Variants in SNTG2 observed in about 807,000 individuals in gnomAD.
The protein encoded by SNTG2 is syntrophin gamma 2.
SNTG2 carries 74 observed loss-of-function variants against 70.9 expected under a neutral mutation model. That is an observed-to-expected ratio of 1.04 (90% confidence interval 0.86 to 1.27). The LOEUF is 1.27. Ranked by LOEUF, SNTG2 falls within the 50% of genes most tolerant of loss-of-function variation. The pLI is 0.00. For synonymous variants in SNTG2, 278 were observed against 273.8 expected (o/e 1.02, Z -0.15); for missense variants, 717 against 690.7 (o/e 1.04, Z -0.43).
chr2:1,088,496 C>A (rs938716449), intron 2 of SNTG2, among the ~76,000 whole-genome samples: 1 of 152,328 alleles, frequency 6.6e-6, no homozygotes, highest in Admixed American at 6.5e-5. Context: ...TCGGCCTGTG[C>A]TCCACAGAGC....
At chr2:1,061,326 G>T (rs891337789) in intron 1 of SNTG2, among the ~76,000 whole-genome samples, 1 of 152,182 alleles carries the variant, frequency 6.6e-6, no homozygotes, top group African/African-American at 2.4e-5. Flanking sequence ...ATGTGTATTA[G>T]ATAATAGAAA....
intron 9 of SNTG2, among the ~76,000 whole-genome samples, chr2:1,226,188 G>A (rs1675764708): frequency 6.6e-6 from 1 of 152,108 alleles, no homozygotes; most frequent in Non-Finnish European, 1.5e-5. Context: ...TTAGGTTATT[G>A]TCAATTTAGA....
chr2:1,051,831 G>A lies in SNTG2; in HGVS notation c.73-31687G>A, dbSNP rs561625249. ...CTGGGCTGCAGTCTCTGCAGGACCC[G>A]GAGCCAGAAGCACTCAGCTGGGCTC... On this transcript the variant is annotated intron_variant, in intron 1 of 16. Coordinates refer to ENST00000308624, the MANE Select transcript of SNTG2 (RefSeq NM_018968.4). Among the ~76,000 whole-genome samples the A allele has an allele frequency of 2.5e-4, 38 of 152,292 alleles. 1 individual carries two copies. Among genetic ancestry groups the A allele is most frequent in the Admixed American group, 2.2e-3 (34 of 15,292 alleles).
chr2:1,302,049 C>A (rs989644796), intron 14 of SNTG2, among the ~76,000 whole-genome samples: 11 of 151,130 alleles, frequency 7.3e-5, no homozygotes, highest in African/African-American at 2.4e-4. Context: ...GCAACCTCCG[C>A]CTCCCAGGTT....
intron 9 of SNTG2, among the ~76,000 whole-genome samples, chr2:1,216,007 T>C (rs534183355): frequency 9.2e-5 from 14 of 152,292 alleles, no homozygotes; most frequent in African/African-American, 2.9e-4. Flanking sequence ...TAGTGCCACA[T>C]TGAACATACG....
At chr2:1,269,644 G>A (rs1678916836) in intron 14 of SNTG2, among the ~76,000 whole-genome samples, 1 of 152,170 alleles carries the variant, frequency 6.6e-6, no homozygotes, top group Non-Finnish European at 1.5e-5. Flanking sequence ...TCTTGCACAG[G>A]TGGAGAAGAG....
intron 9 of SNTG2, among the ~76,000 whole-genome samples, chr2:1,221,402 C>T (rs1211778250): frequency 4.4e-5 from 4 of 91,478 alleles, no homozygotes; most frequent in Non-Finnish European, 8.5e-5. Flanking sequence ...TGTCTCTGTC[C>T]CTCTCAGTCT....
intron 7 of SNTG2, 63 bp from the exon 8 acceptor site, chr2:1,173,029 C>A: frequency 6.9e-7 from 1 of 1,451,558 alleles, no homozygotes; most frequent in Non-Finnish European, 9.6e-7. Flanking sequence ...GAAGTCACTG[C>A]ATGGTCACAG....
intron 12 of SNTG2, among the ~76,000 whole-genome samples, chr2:1,253,354 T>TG (rs72532432): frequency 0.33 from 49,980 of 151,988 alleles, 9,718 homozygotes; most frequent in African/African-American, 0.55. Context: ...GCCATCCGTG[T>TG]AAATGTCCCT....
intron 16 of SNTG2, among the ~76,000 whole-genome samples, chr2:1,366,427 A>G (rs537534269): frequency 6.6e-6 from 1 of 152,296 alleles, no homozygotes; most frequent in East Asian, 1.9e-4. Flanking sequence ...GATTTGACAC[A>G]GGGACTTTAT....
intron 1 of SNTG2, among the ~76,000 whole-genome samples, chr2:1,066,284 C>G (rs2148125049): frequency 6.6e-6 from 1 of 152,270 alleles, no homozygotes; most frequent in East Asian, 1.9e-4. Flanking sequence ...GGTGAGAGAT[C>G]AGGTGAATAT....
intron 9 of SNTG2, among the ~76,000 whole-genome samples, chr2:1,216,903 G>T (rs1326230803): frequency 1.3e-5 from 2 of 151,416 alleles, no homozygotes; most frequent in African/African-American, 4.9e-5. Context: ...GTTTTGTAAG[G>T]GGCTCTTTCC....
chr2:1,045,150 T>G (rs1319991070), intron 1 of SNTG2, among the ~76,000 whole-genome samples: 1 of 152,110 alleles, frequency 6.6e-6, no homozygotes, highest in Non-Finnish European at 1.5e-5. Context: ...AATCTATTAA[T>G]TTCTTCAGGG....
chr2:1,221,350 C>G (rs1371605435), intron 9 of SNTG2, among the ~76,000 whole-genome samples: 9 of 144,468 alleles, frequency 6.2e-5, no homozygotes, highest in Non-Finnish European at 1.1e-4. Context: ...GCTGTCTCTG[C>G]CTCTGTCTCT....
chr2:1,068,795 A>G (rs1198325833), intron 1 of SNTG2, among the ~76,000 whole-genome samples: 1 of 152,220 alleles, frequency 6.6e-6, no homozygotes, highest in Non-Finnish European at 1.5e-5. Context: ...GCAATAATCA[A>G]TCTTCTCTAA....
chr2:1,326,594 T>G (rs2148278483), intron 16 of SNTG2, among the ~76,000 whole-genome samples: 1 of 151,704 alleles, frequency 6.6e-6, no homozygotes, highest in Non-Finnish European at 1.5e-5. Context: ...ACAGAATCTG[T>G]CACTCTCCCC....
intron 1 of SNTG2, among the ~76,000 whole-genome samples, chr2:1,057,000 GGA>G: frequency 6.7e-6 from 1 of 148,686 alleles, no homozygotes; most frequent in East Asian, 2.1e-4. Flanking sequence ...TGGGGAGGGA[GGA>G]GAGGGCGGCG....
intron 1 of SNTG2, among the ~76,000 whole-genome samples, chr2:1,002,004 A>G (rs1401307017): frequency 6.6e-6 from 1 of 152,058 alleles, no homozygotes; most frequent in African/African-American, 2.4e-5. Context: ...ATGAAAACAC[A>G]CACTAATGTA....
At chr2:1,239,678 C>T (rs1311653471) in intron 10 of SNTG2, 60 bp from the exon 11 acceptor site, 11 of 1,582,912 alleles carry the variant, frequency 6.9e-6, no homozygotes, top group Non-Finnish European at 9.5e-6. Flanking sequence ...AGCTGTCACT[C>T]AGGTGAGCCA....
Sources: allele counts gnomAD v4.1 joint callset (sites outside exome capture counted in the v4.1 genomes callset), GRCh38; gene constraint gnomAD v4.1.1; transcripts MANE v1.5; gene names NCBI Gene and HGNC (gene_info 2026-07-23, HGNC 2026-07-21).